Variants in SAMD8 observed in about 807,000 individuals in gnomAD.
The protein encoded by SAMD8 is sterile alpha motif domain containing 8.
A neutral mutation model predicts 42.0 loss-of-function variants in SAMD8; 20 were observed. That is an observed-to-expected ratio of 0.48 (90% confidence interval 0.34 to 0.69). The LOEUF (loss-of-function observed/expected upper bound fraction) is 0.69, where lower values mean the gene tolerates loss of function less well. Ranked by LOEUF, SAMD8 falls within the 30% of genes least tolerant of loss-of-function variation. The pLI is 0.01. For missense variants in SAMD8, 328 were observed against 511.6 expected, an observed-to-expected ratio of 0.64 and a Z score of 3.46; for synonymous variants, 162 against 173.0, an observed-to-expected ratio of 0.94 and a Z score of 0.50.
chr10:75,115,539 TAC>T (rs752424203), intron 1 of SAMD8, among the ~76,000 whole-genome samples: 1 of 152,198 alleles, frequency 6.6e-6, no homozygotes, highest in Non-Finnish European at 1.5e-5. Context: ...CCTCCTCCCA[TAC>T]ACACAGTACC....
At chr10:75,108,381 C>A (rs1589921907), upstream of SAMD8, 4 of 1,269,388 alleles carry the variant, frequency 3.2e-6, no homozygotes, top group East Asian at 5.3e-5. Flanking sequence ...GAGCCCCGCA[C>A]TTTCTGGTGG....
At chr10:75,175,367 G>A (rs16932086) in intron 4 of SAMD8, among the ~76,000 whole-genome samples, 4,381 of 152,126 alleles carry the variant, frequency 0.029, 231 homozygotes, top group African/African-American at 0.1. Context: ...ATTGATCTCC[G>A]TCTGTCATAG....
intron 1 of SAMD8, among the ~76,000 whole-genome samples, chr10:75,136,191 G>C (rs1404429771): frequency 9.9e-5 from 15 of 151,860 alleles, no homozygotes. Context: ...AACCTGCTTG[G>C]TAGATGAAGT....
intron 1 of SAMD8, among the ~76,000 whole-genome samples, chr10:75,146,608 T>C (rs1255767556): frequency 6.6e-6 from 1 of 152,102 alleles, no homozygotes; most frequent in African/African-American, 2.4e-5. Flanking sequence ...TCCCCATATA[T>C]TTTGTTTGTT....
Position 75,152,245 on chromosome 10 carries a change from G to A in SAMD8, c.578+1139G>A, listed in dbSNP as rs1040369843. Among the ~76,000 whole-genome samples the A allele has an allele frequency of 1.1e-4, 16 of 151,594 alleles. No homozygotes were observed. The East Asian group carries it at 1.4e-3, about 13-fold the overall frequency. ...ACATATGAAAAATAAGAATAGGGCC[G>A]GGCGCGGTGGCTCACGCCTGTAATC... On this transcript the variant is annotated intron_variant, in intron 2 of 5. Transcript: ENST00000542569.
chr10:75,111,595 C>T (rs1426785076), upstream of SAMD8: 6 of 1,251,330 alleles, frequency 4.8e-6, no homozygotes, highest in Admixed American at 4.1e-5. Flanking sequence ...TCCGGCTCCC[C>T]GCCCCGGGCT....
At chr10:75,146,848 C>T (rs1840149264) in intron 1 of SAMD8, among the ~76,000 whole-genome samples, 1 of 152,134 alleles carries the variant, frequency 6.6e-6, no homozygotes, top group Non-Finnish European at 1.5e-5. Flanking sequence ...GGCCCTAAAG[C>T]TTTTTATCAT....
rs764561934 is a variant in SAMD8 at position 75,181,125 on chromosome 10, G to A, written c.*4433G>A. ...GCATTTGAGACAAGAAAGCTGTCTTGTAGAATAGTCCAATTGCTTTCTTAA... is the reference window on the plus strand; with the variant it reads ...GCATTTGAGACAAGAAAGCTGTCTTATAGAATAGTCCAATTGCTTTCTTAA... On this transcript the variant is annotated 3_prime_UTR_variant, in exon 6 of 6. Coordinates refer to ENST00000542569, the MANE Select transcript of SAMD8 (RefSeq NM_001174156.2). 16 of 152,208 alleles carry A rather than the reference G, an allele frequency of 1.1e-4. No homozygotes were observed. The highest frequency in any genetic ancestry group is 2.1e-4 in the Non-Finnish European group (14 of 68,026). The allele number at this position is 152,208 out of a possible 1,614,324, so 9.4% of individuals were successfully genotyped here.
chr10:75,105,919 A>G, intron 1 of SAMD8: 4 of 1,515,804 alleles, frequency 2.6e-6, no homozygotes, highest in Non-Finnish European at 3.6e-6. Context: ...CGGCCCACCC[A>G]CGGGCTGGGA....
chr10:75,158,800 G>A (rs547255023), intron 2 of SAMD8, among the ~76,000 whole-genome samples: 7 of 152,008 alleles, frequency 4.6e-5, no homozygotes, highest in Admixed American at 6.6e-5. Flanking sequence ...TGGACATTTC[G>A]TATAAGTGGA....
At chr10:75,105,368 G>T (rs1399732410) in intron 1 of SAMD8, among the ~76,000 whole-genome samples, 2 of 152,128 alleles carry the variant, frequency 1.3e-5, no homozygotes, top group Non-Finnish European at 2.9e-5. Context: ...CCACACCCTC[G>T]CATCCTAGTC....
At chr10:75,153,987 G>A (rs1374484760) in intron 2 of SAMD8, among the ~76,000 whole-genome samples, 1 of 152,070 alleles carries the variant, frequency 6.6e-6, no homozygotes, top group African/African-American at 2.4e-5. Context: ...GGCTGGTCTC[G>A]AACTCCTGAC....
At chr10:75,125,397 G>A (rs1849107967) in intron 1 of SAMD8, 2 of 152,372 alleles carry the variant, frequency 1.3e-5, no homozygotes, top group South Asian at 2.1e-4. Flanking sequence ...AGGATCACTT[G>A]AGCCCAGGAG....
At chr10:75,112,060 C>G (rs1408974491) in intron 1 of SAMD8, among the ~76,000 whole-genome samples, 1 of 152,106 alleles carries the variant, frequency 6.6e-6, no homozygotes, top group Non-Finnish European at 1.5e-5. Flanking sequence ...AATGTGGACC[C>G]GGAAGAAGAG....
chr10:75,133,979 A>G (rs1179676827), intron 1 of SAMD8, among the ~76,000 whole-genome samples: 2 of 152,200 alleles, frequency 1.3e-5, no homozygotes, highest in East Asian at 1.9e-4. Flanking sequence ...ATTGATGGAC[A>G]TTTGGGTTGA....
upstream of SAMD8, among the ~76,000 whole-genome samples, chr10:75,107,415 A>C (rs1192161239): frequency 3.3e-5 from 5 of 152,080 alleles, no homozygotes; most frequent in Admixed American, 3.3e-4. Flanking sequence ...TGCTTTCCCA[A>C]AGTTGAGTGT....
In SAMD8 at chr10:75,111,671, C is replaced by T. The variant is rs1460624613; in HGVS notation, c.-67C>T. ...GGAGGGCCCCGGACTCCGACGGCGG[C>T]TCGGACGCCGACTCGGAGGTGGGTC... On this transcript the variant is annotated 5_prime_UTR_variant, in exon 1 of 6. Transcript: ENST00000542569. The T allele has an allele frequency of 8.1e-7, 1 of 1,239,654 alleles. No individual in the cohort carries two copies. Among genetic ancestry groups the T allele is most frequent in the East Asian group, 3.2e-5 (1 of 31,734 alleles). The allele number at this position is 1,239,654 out of a possible 1,614,324, so 76.8% of individuals were successfully genotyped here. A position where few individuals can be genotyped will look rare whatever the true frequency, so the allele number is the denominator to read the frequency against.
At chr10:75,170,598 A>G (rs1003863923) in intron 4 of SAMD8, among the ~76,000 whole-genome samples, 2 of 151,732 alleles carry the variant, frequency 1.3e-5, no homozygotes, top group African/African-American at 4.8e-5. Flanking sequence ...CAAATTATAA[A>G]ATTATATGTT....
chr10:75,111,057 C>T (rs1848754610), upstream of SAMD8, among the ~76,000 whole-genome samples: 1 of 152,200 alleles, frequency 6.6e-6, no homozygotes, highest in African/African-American at 2.4e-5. Context: ...CTCAGGTGAT[C>T]CCGCCTCAGC....
Sources: gnomAD v4.1 joint callset for allele counts (sites outside exome capture counted in the v4.1 genomes callset) on GRCh38, gnomAD v4.1.1 for gene constraint, MANE v1.5 for transcripts, NCBI Gene and HGNC (gene_info 2026-07-23, HGNC 2026-07-21) for gene names.